The following CAPN9 variants were observed in gnomAD, a reference collection of about 807,000 sequenced individuals.
CAPN9 encodes the protein calpain 9.
CAPN9 carries 81 observed loss-of-function variants against 92.8 expected under a neutral mutation model. The ratio of observed to expected loss-of-function variants is 0.87; its 90% CI spans 0.73 to 1.05. The LOEUF is 1.05. CAPN9 is among the 50% of genes least tolerant of loss of function. The pLI is 0.00. For synonymous variants in CAPN9, 304 were observed against 328.0 expected (o/e 0.93, Z 0.79); for missense variants, 848 against 866.2 (o/e 0.98, Z 0.26).
At chr1:230,749,066 T>C (rs777596141) in intron 1 of CAPN9, among the ~76,000 whole-genome samples, 44 of 152,168 alleles carry the variant, frequency 2.9e-4, no homozygotes, top group Non-Finnish European at 4.3e-4. Flanking sequence ...ACTGCATGCA[T>C]AGGCACACAG....
chr1:230,800,283 AAAGAAAGAAAGAAAGAAAGAAAGG>A (rs1558124306), intron 19 of CAPN9, among the ~76,000 whole-genome samples: 1,579 of 130,890 alleles, frequency 0.012, 136 homozygotes, highest in Non-Finnish European at 0.02. Context: ...AGAAAGAAAG[AAAGAAAGAAAGAAAGAAAGAAAGG>A]AAAAACAAGA....
intron 1 of CAPN9, among the ~76,000 whole-genome samples, chr1:230,751,585 CAAAG>C (rs150498348): frequency 0.027 from 1,543 of 57,326 alleles, 87 homozygotes; most frequent in East Asian, 0.075. Flanking sequence ...AAGAAAGAAA[CAAAG>C]AAAGAAAGAA....
chr1:230,777,766 G>A (rs28359679), intron 8 of CAPN9, among the ~76,000 whole-genome samples: 2,555 of 152,038 alleles, frequency 0.017, 76 homozygotes, highest in African/African-American at 0.056. Flanking sequence ...AGCCCTTGAC[G>A]TGCTGGATTG....
intron 14 of CAPN9, among the ~76,000 whole-genome samples, chr1:230,791,313 T>G (rs28359712): frequency 2.0e-5 from 3 of 152,218 alleles, no homozygotes; most frequent in Non-Finnish European, 4.4e-5. Flanking sequence ...CTTAATTATA[T>G]GTTTAGTTAA....
Position 230,774,641 on chromosome 1 carries a change from T to G in CAPN9, c.953+10T>G. The G allele has an allele frequency of 2.5e-6, 4 of 1,609,696 alleles. No individual in the cohort carries two copies. Among genetic ancestry groups the G allele is most frequent in the Non-Finnish European group, 3.4e-6 (4 of 1,175,960 alleles). On this transcript the variant is annotated intron_variant, in intron 8 of 19. Coordinates refer to ENST00000271971, the MANE Select transcript of CAPN9 (RefSeq NM_006615.3). ...ATGATGGGGAATTCTGGTACCGTGC[T>G]TGTTCCTGTGTTAACTGCAGATACG... is the stretch of plus-strand genomic sequence containing the variant.
intron 1 of CAPN9, among the ~76,000 whole-genome samples, chr1:230,753,455 A>T (rs528077181): frequency 6.6e-6 from 1 of 152,314 alleles, no homozygotes; most frequent in East Asian, 1.9e-4. Context: ...GAGCACCAGC[A>T]TTTGAAGCTT....
At chr1:230,798,090 T>G in intron 18 of CAPN9, 72 bp from the exon 19 acceptor site, 1 of 1,151,436 alleles carries the variant, frequency 8.7e-7, no homozygotes, top group Non-Finnish European at 1.3e-6. Context: ...GAAGGCCCTT[T>G]GGTCGCTGGG....
intron 8 of CAPN9, chr1:230,775,995 C>G (rs1245192673): frequency 6.6e-6 from 1 of 151,802 alleles, no homozygotes; most frequent in East Asian, 1.9e-4. Context: ...TAGAACACAG[C>G]CTCAGTAGTG....
chr1:230,792,737 C>A, intron 16 of CAPN9, 113 bp from the exon 17 acceptor site: 3 of 897,462 alleles, frequency 3.3e-6, no homozygotes, highest in Non-Finnish European at 1.8e-6. Flanking sequence ...CCAACTGTGG[C>A]CTCTGCGGCC....
At position 230,774,561 on chromosome 1, in the gene CAPN9, G is replaced by C. The variant is rs771345731; in HGVS notation, c.883G>C (p.Glu295Gln). ...AATTTTGTTTACTCCTAGTTCTCCG[G>C]AGTGGCGTTCTGTTGGTCCAGCTGA... ...WNGSWSDSSP[E>Q]WRSVGPAEQK... The change falls in exon 8 of 20, where the codon GAG (glutamate) becomes CAG (glutamine). Residue 295 changes from glutamate to glutamine, a missense_variant. By Grantham distance (29) the Glu-to-Gln change is conservative (BLOSUM62 2). Coordinates refer to ENST00000271971, the MANE Select transcript of CAPN9 (RefSeq NM_006615.3). 2.5e-6 allele frequency: 4 copies of C among 1,613,048 alleles called. No homozygotes were observed. The highest frequency in any genetic ancestry group is 2.2e-5 in the South Asian group (2 of 91,062).
rs762018423 is a variant in CAPN9, at chr1:230,798,183, C to T, written c.2009C>T (p.Thr670Ile). Residue 670 changes from threonine to isoleucine, a missense_variant, in exon 19 of 20, where the codon ACA becomes ATA. Thr to Ile is a moderately conservative substitution (Grantham distance 89, BLOSUM62 -1). Transcript: ENST00000271971. ...NASRVFQALS[T>I]KNKEFIHLNI... Reference sequence around the variant, plus strand: ...TCAGGGGTGTTCCAGGCTCTCAGTACAAAGAACAAGGAGTTCATTCATCTC... The same window carrying T: ...TCAGGGGTGTTCCAGGCTCTCAGTATAAAGAACAAGGAGTTCATTCATCTC... 66 of 1,611,290 alleles carry T rather than the reference C, an allele frequency of 4.1e-5. No individual in the cohort carries two copies. The highest frequency in any genetic ancestry group is 1.7e-5 in the Admixed American group (1 of 59,976).
In CAPN9 at chr1:230,780,521, C is replaced by G. The variant is rs1273644274; in HGVS notation, c.1294C>G (p.Leu432Val). 6.2e-7 allele frequency: 1 copy of G among 1,614,134 alleles called. No homozygotes were observed. Among genetic ancestry groups the G allele is most frequent in the South Asian group, 1.1e-5 (1 of 91,062 alleles). The change falls in exon 11 of 20, where the codon CTG (leucine) becomes GTG (valine). Residue 432 changes from leucine (L) to valine (V), a missense_variant. By Grantham distance (32) the Leu-to-Val change is conservative. Coordinates refer to ENST00000271971, the MANE Select transcript of CAPN9 (RefSeq NM_006615.3). ...IYECPDKDEH[L>V]NKDFFRYHAS... ...GCAGTGCCCTGACAAAGACGAACACCTGAACAAAGACTTCTTCAGATACCA... is the reference window on the plus strand; with the variant it reads ...GCAGTGCCCTGACAAAGACGAACACGTGAACAAAGACTTCTTCAGATACCA...
rs760111356 is a variant in CAPN9 at position 230,783,752 on chromosome 1, AAC to A, written c.1482-2228_1482-2227del. 9.8e-5 allele frequency among the ~76,000 whole-genome samples: 15 copies of A among 152,364 alleles called. No homozygotes were observed. In the East Asian group the frequency reaches 2.1e-3, roughly 22 times the overall value. On this transcript the variant is annotated intron_variant, in intron 11 of 19. Coordinates refer to ENST00000271971, the MANE Select transcript of CAPN9 (RefSeq NM_006615.3). ...AAGAGTGGGGCATTGTTATAAAGAT[AAC>A]TGAAAATGTGGAAGTGACTTTGGAA...
intron 14 of CAPN9, 71 bp from the exon 15 acceptor site, chr1:230,791,793 G>T: frequency 8.4e-7 from 1 of 1,196,704 alleles, no homozygotes; most frequent in Non-Finnish European, 1.2e-6. Context: ...ACATTATTGG[G>T]CTTTCAGCAG....
chr1:230,777,730 C>A (rs1488697864), intron 8 of CAPN9, among the ~76,000 whole-genome samples: 1 of 151,958 alleles, frequency 6.6e-6, no homozygotes, highest in Non-Finnish European at 1.5e-5. Flanking sequence ...TCACTTTGCT[C>A]GATCAGATTA....
intron 1 of CAPN9, among the ~76,000 whole-genome samples, chr1:230,751,882 G>A (rs1341492248): frequency 6.7e-6 from 1 of 148,648 alleles, no homozygotes; most frequent in Non-Finnish European, 1.5e-5. Context: ...GAGGGGGAGG[G>A]GTCTGCGTGC....
intron 3 of CAPN9, among the ~76,000 whole-genome samples, chr1:230,762,286 A>AC (rs1367976537): frequency 1.3e-5 from 2 of 151,952 alleles, no homozygotes; most frequent in African/African-American, 2.4e-5. Context: ...GCAAACCCAA[A>AC]CCCCACGTTA....
intron 11 of CAPN9, among the ~76,000 whole-genome samples, chr1:230,782,037 A>C (rs1667260960): frequency 6.6e-6 from 1 of 152,204 alleles, no homozygotes; most frequent in Non-Finnish European, 1.5e-5. Context: ...CCTGTATGAG[A>C]TCCATGCAGA....
At chr1:230,800,301 AG>A (rs1668642271) in intron 19 of CAPN9, among the ~76,000 whole-genome samples, 1 of 72,928 alleles carries the variant, frequency 1.4e-5, no homozygotes, top group Non-Finnish European at 3.1e-5. Flanking sequence ...AAAGAAAGAA[AG>A]AAAGGAAAAA....
Sources: allele counts gnomAD v4.1 joint callset (sites outside exome capture counted in the v4.1 genomes callset), GRCh38; gene constraint gnomAD v4.1.1; transcripts MANE v1.5; gene names NCBI Gene and HGNC (gene_info 2026-07-23, HGNC 2026-07-21).